TRERF1: variants seen among roughly 807,000 people sequenced by gnomAD.
The protein encoded by TRERF1 is transcriptional-regulating factor 1.
A neutral mutation model predicts 122.9 loss-of-function variants in TRERF1; 27 were observed. The ratio of observed to expected loss-of-function variants is 0.22; its 90% confidence interval spans 0.16 to 0.30. The LOEUF (loss-of-function observed/expected upper bound fraction) is 0.30. Ranked by LOEUF, TRERF1 falls within the 10% of genes least tolerant of loss-of-function variation. TRERF1 has a pLI of 1.00. For missense variants in TRERF1, 1,248 were observed against 1,560.3 expected, an observed-to-expected ratio of 0.80 and a Z score of 3.37; for synonymous variants, 636 against 641.7, an observed-to-expected ratio of 0.99 and a Z score of 0.13.
intron 2 of TRERF1, among the ~76,000 whole-genome samples, chr6:42,429,378 C>T (rs1784132888): frequency 6.6e-6 from 1 of 152,074 alleles, no homozygotes; most frequent in South Asian, 2.1e-4. Context: ...CAGTAGGCTC[C>T]GGGCCGTCCT....
chr6:42,387,792 CT>C (rs1438471226), intron 2 of TRERF1, among the ~76,000 whole-genome samples: 4 of 134,064 alleles, frequency 3.0e-5, no homozygotes, highest in Admixed American at 2.8e-4. Context: ...AAGATGCTAC[CT>C]TTTTTATTTT....
At chr6:42,225,382 A>G (rs1297536202) in exon 18 of TRERF1, 13 of 152,106 alleles carry the variant, frequency 8.5e-5, no homozygotes, top group Admixed American at 8.5e-4. Context: ...ACCTAGGAAG[A>G]AACATTTTTA....
In TRERF1 at chr6:42,436,815, ATATATAT is replaced by A. The variant is rs1438967552; in HGVS notation, c.-454+14355_-454+14361del. Reference sequence around the variant, plus strand: ...TCTCCCTCTACAAAAAAAAAAAAAAATATATATATATATATATATATATATATATATA... The same window carrying A: ...TCTCCCTCTACAAAAAAAAAAAAAAAATATATATATATATATATATATATA... On this transcript the variant is annotated intron_variant, in intron 2 of 17. Coordinates refer to ENST00000372922, the Ensembl canonical transcript of TRERF1. Among the ~76,000 whole-genome samples the A allele has an allele frequency of 2.0e-3, 126 of 63,174 alleles. 3 individuals are homozygous for A. Among genetic ancestry groups the A allele is most frequent in the African/African-American group, 6.6e-3 (118 of 17,804 alleles). 41.4% of individuals were successfully genotyped at this position (63,174 alleles called of 152,430 possible).
intron 2 of TRERF1, among the ~76,000 whole-genome samples, chr6:42,410,380 C>T (rs1780934357): frequency 6.6e-6 from 1 of 152,100 alleles, no homozygotes; most frequent in South Asian, 2.1e-4. Context: ...AACTCCTGGG[C>T]TCAAGCAATC....
chr6:42,229,919 G>A (rs963797057), intron 17 of TRERF1, among the ~76,000 whole-genome samples: 3 of 152,178 alleles, frequency 2.0e-5, no homozygotes, highest in Admixed American at 1.3e-4. Flanking sequence ...GTTGATGGCC[G>A]TTTCTGTGCT....
intron 3 of TRERF1, among the ~76,000 whole-genome samples, chr6:42,334,777 A>G (rs903956073): frequency 1.3e-5 from 2 of 152,240 alleles, no homozygotes; most frequent in African/African-American, 2.4e-5. Flanking sequence ...CAGGGAAGGG[A>G]AGATGCTCCC....
chr6:42,272,175 A>G (rs2149937637), intron 4 of TRERF1, among the ~76,000 whole-genome samples: 1 of 152,388 alleles, frequency 6.6e-6, no homozygotes, highest in South Asian at 2.1e-4. Flanking sequence ...AAGAGTTTTA[A>G]AAGATTCTTT....
At chr6:42,319,443 C>T (rs1763022676) in intron 3 of TRERF1, among the ~76,000 whole-genome samples, 1 of 152,210 alleles carries the variant, frequency 6.6e-6, no homozygotes, top group South Asian at 2.1e-4. Flanking sequence ...AAATAAACTT[C>T]CTTCATGTTA....
At chr6:42,372,880 G>A (rs1372561990) in intron 2 of TRERF1, among the ~76,000 whole-genome samples, 1 of 152,204 alleles carries the variant, frequency 6.6e-6, no homozygotes, top group Non-Finnish European at 1.5e-5. Flanking sequence ...ATGAGACCCT[G>A]AGTCAGGCAA....
intron 2 of TRERF1, among the ~76,000 whole-genome samples, chr6:42,421,711 T>C (rs1782786921): frequency 6.6e-6 from 1 of 150,634 alleles, no homozygotes; most frequent in South Asian, 2.1e-4. Flanking sequence ...GAGGCAGAGG[T>C]TGCAATAAAC....
chr6:42,344,099 T>C (rs554919576), intron 3 of TRERF1, among the ~76,000 whole-genome samples: 1 of 152,326 alleles, frequency 6.6e-6, no homozygotes, highest in East Asian at 1.9e-4. Flanking sequence ...AGGAGCTGCG[T>C]TCACCTGGAG....
chr6:42,340,730 A>T (rs73733148), intron 3 of TRERF1, among the ~76,000 whole-genome samples: 8,132 of 152,184 alleles, frequency 0.053, 528 homozygotes, highest in East Asian at 0.18. Flanking sequence ...CCTCCTGAGT[A>T]GCTGCGACTA....
At chr6:42,254,961 G>A (rs1776464711) in intron 12 of TRERF1, 35 bp from the exon 13 acceptor site, 2 of 1,603,564 alleles carry the variant, frequency 1.2e-6, no homozygotes, top group South Asian at 1.1e-5. Flanking sequence ...GCAAGAGTCA[G>A]CAACTGGTCT....
At position 42,404,757 on chromosome 6, in the gene TRERF1, C is replaced by T. The variant is rs114138389; in HGVS notation, c.-453-41678G>A. 2.3e-3 allele frequency among the ~76,000 whole-genome samples: 344 copies of T among 152,242 alleles called. 2 individuals carry two copies. The highest frequency in any genetic ancestry group is 5.8e-3 in the Admixed American group (88 of 15,288). ...TATCAGAGCTAAGCAAGTGCAGAATCCAAGGCCCTAAGGAGCTAATACCTC... is the reference window on the plus strand; with the variant it reads ...TATCAGAGCTAAGCAAGTGCAGAATTCAAGGCCCTAAGGAGCTAATACCTC... On this transcript the variant is annotated intron_variant, in intron 2 of 17. Transcript: ENST00000372922.
At chr6:42,411,480 C>T (rs1306358603) in intron 2 of TRERF1, among the ~76,000 whole-genome samples, 1 of 152,140 alleles carries the variant, frequency 6.6e-6, no homozygotes, top group African/African-American at 2.4e-5. Flanking sequence ...GGAACTAACA[C>T]AGAAGCCTCT....
chr6:42,433,719 A>G (rs1296045525), intron 2 of TRERF1, among the ~76,000 whole-genome samples: 1 of 152,140 alleles, frequency 6.6e-6, no homozygotes, highest in Non-Finnish European at 1.5e-5. Context: ...TGTCAGCCAG[A>G]ACTTTAAAAT....
Position 42,451,759 on chromosome 6 carries a change from C to A in TRERF1, c.-539+262G>T. ...CCAGCCCCCTTTCCCAGCCCTGCTC[C>A]CCTTCCTGCCCTCCGCCGCAAGCAA... On this transcript the variant is annotated intron_variant, in intron 1 of 17. An upstream open reading frame in the 5' UTR gains an earlier in-frame stop. Transcript: ENST00000372922. Among the ~76,000 whole-genome samples, 1 of 152,080 alleles carries A rather than the reference C, an allele frequency of 6.6e-6. No homozygotes were observed. Among genetic ancestry groups the A allele is most frequent in the Non-Finnish European group, 1.5e-5 (1 of 68,012 alleles).
At chr6:42,225,865 A>G (rs539362320) in exon 18 of TRERF1, 1 of 152,208 alleles carries the variant, frequency 6.6e-6, no homozygotes, top group Non-Finnish European at 1.5e-5. Flanking sequence ...TTAACTTTTT[A>G]TATACAAGCT....
At chr6:42,292,783 T>C (rs140083390) in intron 4 of TRERF1, among the ~76,000 whole-genome samples, 70 of 152,332 alleles carry the variant, frequency 4.6e-4, no homozygotes, top group African/African-American at 1.6e-3. Flanking sequence ...TTGTATCCAG[T>C]AGAATATCAC....
Sources: gnomAD v4.1 joint callset for allele counts (sites outside exome capture counted in the v4.1 genomes callset) on GRCh38, gnomAD v4.1.1 for gene constraint, MANE v1.5 for transcripts, NCBI Gene and HGNC (gene_info 2026-07-23, HGNC 2026-07-21) for gene names.